CRTC3: variants seen among roughly 807,000 people sequenced by gnomAD.
CRTC3 encodes the protein CREB-regulated transcription coactivator 3.
A neutral mutation model predicts 74.5 loss-of-function variants in CRTC3; 26 were observed. The ratio of observed to expected loss-of-function variants is 0.35; its 90% CI spans 0.26 to 0.48. CRTC3 has a LOEUF of 0.48. Ranked by LOEUF, CRTC3 falls within the 20% of genes least tolerant of loss-of-function variation. The probability of loss-of-function intolerance (pLI) is 0.99; values close to 1 mark genes in which losing one functional copy is unlikely to be tolerated. For synonymous variants in CRTC3, 377 were observed against 325.8 expected (o/e 1.16, Z -1.69); for missense variants, 760 against 787.3 (o/e 0.97, Z 0.41).
At chr15:90,557,865 C>T (rs1966927028) in intron 2 of CRTC3, among the ~76,000 whole-genome samples, 1 of 152,148 alleles carries the variant, frequency 6.6e-6, no homozygotes, top group South Asian at 2.1e-4. Flanking sequence ...GTGCCAGAAT[C>T]CCATGGTAAC....
chr15:90,545,388 A>G (rs1210007807), intron 2 of CRTC3, among the ~76,000 whole-genome samples: 2 of 143,172 alleles, frequency 1.4e-5, no homozygotes, highest in South Asian at 2.2e-4. Context: ...TCATATGACA[A>G]TTGTGGTTTT....
chr15:90,605,455 G>A (rs1218102557), intron 5 of CRTC3, among the ~76,000 whole-genome samples: 1 of 152,086 alleles, frequency 6.6e-6, no homozygotes, highest in Non-Finnish European at 1.5e-5. Flanking sequence ...TAAGGCCGAC[G>A]AGAACCTTTT....
rs149341456 is a variant in CRTC3 at position 90,543,508 on chromosome 15, A to G, written c.231+3371A>G. On this transcript the variant is annotated intron_variant, in intron 2 of 14. Coordinates refer to ENST00000268184, the MANE Select transcript of CRTC3 (RefSeq NM_022769.5). ...TCAATCTATTATAATCTATTATTTTATTTATTCATTTTTGAAGCAATGAAA... is the reference window on the plus strand; with the variant it reads ...TCAATCTATTATAATCTATTATTTTGTTTATTCATTTTTGAAGCAATGAAA... 2.4e-3 allele frequency among the ~76,000 whole-genome samples: 364 copies of G among 152,070 alleles called. 4 individuals are homozygous for G. Among genetic ancestry groups the G allele is most frequent in the African/African-American group, 8.4e-3 (350 of 41,502 alleles).
At chr15:90,616,003 G>C (rs1398274752) in intron 7 of CRTC3, among the ~76,000 whole-genome samples, 1 of 151,746 alleles carries the variant, frequency 6.6e-6, no homozygotes, top group Non-Finnish European at 1.5e-5. Flanking sequence ...GGGACTACAG[G>C]CACCCACCAC....
intron 1 of CRTC3, among the ~76,000 whole-genome samples, chr15:90,536,510 TCTGA>T (rs1018009749): frequency 6.7e-6 from 1 of 149,948 alleles, no homozygotes; most frequent in African/African-American, 2.4e-5. Flanking sequence ...AAAAAATTGC[TCTGA>T]CTATTCTAGG....
intron 11 of CRTC3, among the ~76,000 whole-genome samples, chr15:90,635,647 G>A (rs1261567869): frequency 6.6e-6 from 1 of 151,922 alleles, no homozygotes. Flanking sequence ...TCTGTCTCCA[G>A]AAAAACTCTG....
intron 2 of CRTC3, among the ~76,000 whole-genome samples, chr15:90,550,145 T>C (rs1022573829): frequency 6.6e-6 from 1 of 151,306 alleles, no homozygotes; most frequent in African/African-American, 2.4e-5. Context: ...TATTTAAAAA[T>C]TGGCTGAGTG....
chr15:90,589,388 G>C (rs1195213828), intron 2 of CRTC3, among the ~76,000 whole-genome samples: 10 of 151,804 alleles, frequency 6.6e-5, no homozygotes, highest in Admixed American at 6.6e-4. Context: ...GTCTTGTTCT[G>C]TCACCCAGGC....
At chr15:90,542,890 C>T (rs1226930354) in intron 2 of CRTC3, among the ~76,000 whole-genome samples, 1 of 152,142 alleles carries the variant, frequency 6.6e-6, no homozygotes, top group Non-Finnish European at 1.5e-5. Context: ...TGATTTGATT[C>T]AGACTATGCA....
At chr15:90,546,884 G>A (rs879266398) in intron 2 of CRTC3, among the ~76,000 whole-genome samples, 19 of 152,036 alleles carry the variant, frequency 1.2e-4, no homozygotes, top group African/African-American at 3.9e-4. Context: ...CGGCCTCCCA[G>A]AGTGCTGGGA....
At chr15:90,592,577 G>T (rs1200983027) in intron 2 of CRTC3, among the ~76,000 whole-genome samples, 2 of 152,184 alleles carry the variant, frequency 1.3e-5, no homozygotes, top group Admixed American at 6.5e-5. Context: ...TCTTTAAAAA[G>T]GATTTTGGAT....
intron 2 of CRTC3, among the ~76,000 whole-genome samples, chr15:90,584,152 A>G (rs1967605507): frequency 6.6e-6 from 1 of 151,740 alleles, no homozygotes; most frequent in African/African-American, 2.4e-5. Context: ...CATTAGCTTC[A>G]GTCTGCATAT....
chr15:90,588,186 G>C lies in CRTC3; in HGVS notation c.232-5450G>C, dbSNP rs12442319. Reference sequence around the variant, plus strand: ...GAGGCAGGAGAATTGCTCGAACTTGGGAGGCAGAGGTTACAGTGAGCTGAG... The same window carrying C: ...GAGGCAGGAGAATTGCTCGAACTTGCGAGGCAGAGGTTACAGTGAGCTGAG... On this transcript the variant is annotated intron_variant, in intron 2 of 14. Coordinates refer to ENST00000268184, the MANE Select transcript of CRTC3 (RefSeq NM_022769.5). Among the ~76,000 whole-genome samples, 1,171 of 151,930 alleles carry C rather than the reference G, an allele frequency of 7.7e-3. 43 individuals carry two copies. In the East Asian group the frequency reaches 0.12, roughly 15 times the overall value.
At chr15:90,632,738 G>A (rs1298483492) in intron 11 of CRTC3, among the ~76,000 whole-genome samples, 2 of 152,170 alleles carry the variant, frequency 1.3e-5, no homozygotes, top group African/African-American at 4.8e-5. Context: ...CTAAGTAGCT[G>A]GGACTACAGG....
chr15:90,543,296 G>C (rs1966833778), intron 2 of CRTC3, among the ~76,000 whole-genome samples: 1 of 51,944 alleles, frequency 1.9e-5, no homozygotes, highest in East Asian at 3.6e-4. Flanking sequence ...GCCAAACCCT[G>C]TCTCAAAAAA....
At chr15:90,540,179 A>T (rs772117713) in intron 2 of CRTC3, 42 bp downstream of exon 2, 2 of 1,296,252 alleles carry the variant, frequency 1.5e-6, no homozygotes, top group African/African-American at 3.0e-5. Context: ...AATGGAGTGT[A>T]AAAAATAGAC....
Position 90,611,668 on chromosome 15 carries a change from C to T in CRTC3, c.578-2785C>T, listed in dbSNP as rs116001794. 2.0e-3 allele frequency among the ~76,000 whole-genome samples: 311 copies of T among 152,220 alleles called. 1 individual carries two copies. Among genetic ancestry groups the T allele is most frequent in the African/African-American group, 7.2e-3 (299 of 41,520 alleles). ...CATGCCCCTACGCCCATTCAGTAGCCGAGTCCTGTTCATTTTATCCCAGCA... is the reference window on the plus strand; with the variant it reads ...CATGCCCCTACGCCCATTCAGTAGCTGAGTCCTGTTCATTTTATCCCAGCA... On this transcript the variant is annotated intron_variant, in intron 6 of 14. Coordinates refer to ENST00000268184, the MANE Select transcript of CRTC3 (RefSeq NM_022769.5).
At chr15:90,554,068 C>T (rs953424130) in intron 2 of CRTC3, among the ~76,000 whole-genome samples, 3 of 152,182 alleles carry the variant, frequency 2.0e-5, no homozygotes, top group Non-Finnish European at 4.4e-5. Context: ...ATGTCTTTGC[C>T]TCATTTTTCT....
intron 2 of CRTC3, among the ~76,000 whole-genome samples, chr15:90,577,167 C>T (rs1967426761): frequency 6.6e-6 from 1 of 152,196 alleles, no homozygotes; most frequent in Non-Finnish European, 1.5e-5. Context: ...TTGCCACTTT[C>T]AATCTCCCCA....
Sources: allele counts gnomAD v4.1 joint callset (sites outside exome capture counted in the v4.1 genomes callset), GRCh38; gene constraint gnomAD v4.1.1; transcripts MANE v1.5; gene names NCBI Gene and HGNC (gene_info 2026-07-23, HGNC 2026-07-21).